Variants in SNX4 observed in about 807,000 individuals in gnomAD.
SNX4 encodes the protein sorting nexin 4.
A neutral mutation model predicts 70.8 loss-of-function variants in SNX4; 49 were observed. That is an observed-to-expected ratio of 0.69 (90% CI 0.55 to 0.88). The LOEUF is 0.88. Ranked by LOEUF, SNX4 falls within the 40% of genes least tolerant of loss-of-function variation. The pLI, the probability that SNX4 is intolerant of heterozygous loss-of-function variation, is 0.00. For synonymous variants in SNX4, 206 were observed against 183.8 expected (o/e 1.12, Z -0.98); for missense variants, 528 against 544.8 (o/e 0.97, Z 0.31).
chr3:125,499,192 A>C (rs1934872688), intron 2 of SNX4, among the ~76,000 whole-genome samples: 1 of 152,212 alleles, frequency 6.6e-6, no homozygotes, highest in Non-Finnish European at 1.5e-5. Context: ...AAATATTTTG[A>C]CTACTTAGGA....
intron 12 of SNX4, 95 bp from the exon 13 acceptor site, chr3:125,451,514 C>A: frequency 2.5e-6 from 2 of 802,502 alleles, no homozygotes; most frequent in Non-Finnish European, 4.2e-6. Context: ...TTTTTAATTG[C>A]CTATGTAGAA....
chr3:125,471,237 G>A (rs948630395), intron 8 of SNX4, among the ~76,000 whole-genome samples: 5 of 150,992 alleles, frequency 3.3e-5, no homozygotes, highest in Admixed American at 6.6e-5. Context: ...CCAGCTACTC[G>A]AGAGGCTGAG....
chr3:125,499,187 T>C (rs1934872472), intron 2 of SNX4, among the ~76,000 whole-genome samples: 1 of 152,212 alleles, frequency 6.6e-6, no homozygotes, highest in African/African-American at 2.4e-5. Context: ...ATTTTAAATA[T>C]TTTGACTACT....
intron 1 of SNX4, among the ~76,000 whole-genome samples, chr3:125,511,777 A>C (rs1282910641): frequency 6.6e-6 from 1 of 152,110 alleles, no homozygotes; most frequent in Non-Finnish European, 1.5e-5. Flanking sequence ...GTGTTTTATG[A>C]AGGAGAGATA....
chr3:125,481,739 G>A (rs778291612), intron 6 of SNX4, among the ~76,000 whole-genome samples: 2 of 152,080 alleles, frequency 1.3e-5, no homozygotes, highest in Non-Finnish European at 2.9e-5. Flanking sequence ...ATGCCTGGTC[G>A]AAATGTTTCT....
chr3:125,479,366 C>T (rs1934353844), intron 7 of SNX4, among the ~76,000 whole-genome samples: 1 of 151,868 alleles, frequency 6.6e-6, no homozygotes, highest in South Asian at 2.1e-4. Context: ...AGACCAGCCT[C>T]GTTAACATGG....
chr3:125,489,443 C>A lies in SNX4; in HGVS notation c.618G>T (p.Ala206=), dbSNP rs73862103. The A allele has an allele frequency of 8.5e-5, 137 of 1,613,204 alleles. 1 individual carries two copies. In the African/African-American group the frequency reaches 1.7e-3, roughly 19 times the overall value. Residue 206 remains alanine, a synonymous_variant, in exon 6 of 14, where the codon GCG becomes GCT. Transcript: ENST00000251775. The part of the protein sequence containing the change: ...FQLKADSRLK[A]LNATFRVKNP... Reference sequence around the variant, plus strand: ...TTTTCACTCTGAATGTTGCATTAAGCGCTTTTAACCTGGAGTCTGCCTGGA... The same window carrying A: ...TTTTCACTCTGAATGTTGCATTAAGAGCTTTTAACCTGGAGTCTGCCTGGA...
At chr3:125,452,688 G>T (rs970414768) in intron 12 of SNX4, among the ~76,000 whole-genome samples, 1 of 152,158 alleles carries the variant, frequency 6.6e-6, no homozygotes, top group Non-Finnish European at 1.5e-5. Flanking sequence ...CGTGATCTCC[G>T]CTCACTGCAA....
chr3:125,488,587 A>T (rs544125954), intron 6 of SNX4, among the ~76,000 whole-genome samples: 1 of 152,340 alleles, frequency 6.6e-6, no homozygotes, highest in East Asian at 1.9e-4. Context: ...ATGAAAAATC[A>T]GGGGCATTTT....
chr3:125,465,967 T>C (rs768214563), intron 9 of SNX4, among the ~76,000 whole-genome samples: 3 of 152,162 alleles, frequency 2.0e-5, no homozygotes, highest in Non-Finnish European at 1.5e-5. Context: ...AATTAGCAAT[T>C]TGGGGAGAAC....
chr3:125,481,792 C>G (rs1047974429), intron 6 of SNX4, among the ~76,000 whole-genome samples: 1 of 152,172 alleles, frequency 6.6e-6, no homozygotes, highest in Non-Finnish European at 1.5e-5. Context: ...GTGAATACAT[C>G]AAGGTCCTCG....
chr3:125,471,237 G>C (rs948630395), intron 8 of SNX4, among the ~76,000 whole-genome samples: 1 of 151,102 alleles, frequency 6.6e-6, no homozygotes, highest in South Asian at 2.1e-4. Flanking sequence ...CCAGCTACTC[G>C]AGAGGCTGAG....
Position 125,476,846 on chromosome 3 carries a change from T to C in SNX4, c.727-90A>G. Reference sequence around the variant, plus strand: ...CCCAAAAAACAAAAAACATGCTTACTACAATAAACTTGGAAATAGAAAAAA... The same window carrying C: ...CCCAAAAAACAAAAAACATGCTTACCACAATAAACTTGGAAATAGAAAAAA... On this transcript the variant is annotated intron_variant, in intron 7 of 13. Transcript: ENST00000251775. The C allele has an allele frequency of 4.3e-6, 3 of 694,064 alleles. No homozygotes were observed. The South Asian group carries it at 5.4e-5, about 13-fold the overall frequency. 43.0% of individuals were successfully genotyped at this position (694,064 alleles called of 1,614,324 possible).
chr3:125,506,815 A>T (rs1481638710), intron 1 of SNX4, among the ~76,000 whole-genome samples: 1 of 92,908 alleles, frequency 1.1e-5, no homozygotes, highest in Non-Finnish European at 2.0e-5. Flanking sequence ...ATGTGGAGAA[A>T]GTAAAAAAAA....
At chr3:125,495,865 ACT>A (rs1179031732) in intron 5 of SNX4, among the ~76,000 whole-genome samples, 1 of 152,038 alleles carries the variant, frequency 6.6e-6, no homozygotes, top group Non-Finnish European at 1.5e-5. Context: ...TTTTCAGAAA[ACT>A]CTATCTAAAC....
intron 2 of SNX4, among the ~76,000 whole-genome samples, chr3:125,503,671 C>T (rs961143304): frequency 5.9e-5 from 9 of 152,126 alleles, no homozygotes; most frequent in African/African-American, 1.9e-4. Flanking sequence ...TTCCACCTGC[C>T]CAAGTTCACT....
At chr3:125,484,875 G>A (rs533963977) in intron 6 of SNX4, among the ~76,000 whole-genome samples, 9 of 152,138 alleles carry the variant, frequency 5.9e-5, no homozygotes, top group Admixed American at 1.3e-4. Context: ...AGACCAGCCT[G>A]GCCAACATGG....
chr3:125,459,936 T>C (rs1933832601), intron 10 of SNX4, among the ~76,000 whole-genome samples: 1 of 151,842 alleles, frequency 6.6e-6, no homozygotes, highest in African/African-American at 2.4e-5. Context: ...CTCATGCCTG[T>C]AATCCCAGCA....
At chr3:125,476,372 G>C (rs1424191884) in intron 8 of SNX4, among the ~76,000 whole-genome samples, 6 of 150,710 alleles carry the variant, frequency 4.0e-5, no homozygotes, top group Admixed American at 2.0e-4. Context: ...AGGAGTTCGA[G>C]ACCAGCCTGA....
Sources: allele counts gnomAD v4.1 joint callset (sites outside exome capture counted in the v4.1 genomes callset), GRCh38; gene constraint gnomAD v4.1.1; transcripts MANE v1.5; gene names NCBI Gene and HGNC (gene_info 2026-07-23, HGNC 2026-07-21).